MAP2K4: variants seen among roughly 807,000 people sequenced by gnomAD.
The protein encoded by MAP2K4 is dual specificity mitogen-activated protein kinase kinase 4.
MAP2K4 carries 4 observed loss-of-function variants against 48.5 expected under a neutral mutation model. The observed-to-expected ratio is 0.08, with a 90% CI of 0.04 to 0.19. The LOEUF is 0.19. MAP2K4 is among the 10% of genes least tolerant of loss of function. MAP2K4 has a pLI of 1.00. For synonymous variants in MAP2K4, 166 were observed against 173.1 expected (o/e 0.96, Z 0.32); for missense variants, 258 against 493.3 (o/e 0.52, Z 4.52).
intron 2 of MAP2K4, among the ~76,000 whole-genome samples, chr17:12,060,477 A>G (rs1369252403): frequency 6.6e-6 from 1 of 152,200 alleles, no homozygotes; most frequent in East Asian, 1.9e-4. Context: ...AGAGTTTTGT[A>G]GCGTTGTCTG....
At chr17:12,130,505 C>G (rs2151591606) in intron 9 of MAP2K4, among the ~76,000 whole-genome samples, 1 of 152,256 alleles carries the variant, frequency 6.6e-6, no homozygotes, top group South Asian at 2.1e-4. Flanking sequence ...CTAAAATGAT[C>G]ACCTGTGAAC....
intron 7 of MAP2K4, among the ~76,000 whole-genome samples, chr17:12,122,755 A>G (rs1338823214): frequency 6.6e-6 from 1 of 152,222 alleles, no homozygotes; most frequent in Non-Finnish European, 1.5e-5. Flanking sequence ...ACCAGTAAGT[A>G]TAATGTTAAC....
chr17:12,076,574 C>T (rs1971017247), intron 2 of MAP2K4, among the ~76,000 whole-genome samples: 1 of 152,128 alleles, frequency 6.6e-6, no homozygotes, highest in Non-Finnish European at 1.5e-5. Flanking sequence ...AATTTCTGTA[C>T]ATTGAGTTGT....
At chr17:12,047,403 TA>T (rs1970002177) in intron 1 of MAP2K4, among the ~76,000 whole-genome samples, 1 of 152,154 alleles carries the variant, frequency 6.6e-6, no homozygotes, top group African/African-American at 2.4e-5. Flanking sequence ...GGGAAGGTAA[TA>T]TTAATCCCAT....
intron 9 of MAP2K4, among the ~76,000 whole-genome samples, chr17:12,133,429 C>T (rs1365743535): frequency 6.6e-6 from 1 of 152,168 alleles, no homozygotes; most frequent in Non-Finnish European, 1.5e-5. Flanking sequence ...AATTTTGCTT[C>T]TAGATTGCCT....
At chr17:12,113,475 T>C in intron 7 of MAP2K4, 115 bp downstream of exon 7, 2 of 1,300,842 alleles carry the variant, frequency 1.5e-6, no homozygotes, top group South Asian at 1.6e-5. Flanking sequence ...AATATTTCCC[T>C]TACCCTAAGG....
At chr17:12,076,417 T>C (rs1310759864) in intron 2 of MAP2K4, among the ~76,000 whole-genome samples, 2 of 152,030 alleles carry the variant, frequency 1.3e-5, no homozygotes, top group African/African-American at 4.8e-5. Context: ...GTTAATTCAG[T>C]ATTAAATTTA....
chr17:12,130,709 G>T (rs1972993873), intron 9 of MAP2K4, among the ~76,000 whole-genome samples: 1 of 152,108 alleles, frequency 6.6e-6, no homozygotes, highest in Non-Finnish European at 1.5e-5. Context: ...GGTCTACATT[G>T]AAGTGTACTT....
At chr17:12,089,883 C>G (rs575617457) in intron 3 of MAP2K4, among the ~76,000 whole-genome samples, 1 of 152,272 alleles carries the variant, frequency 6.6e-6, no homozygotes, top group African/African-American at 2.4e-5. Flanking sequence ...AATTGATAGC[C>G]ATTTTGTAAG....
At chr17:12,066,121 A>G (rs2151535054) in intron 2 of MAP2K4, among the ~76,000 whole-genome samples, 1 of 148,988 alleles carries the variant, frequency 6.7e-6, no homozygotes, top group East Asian at 2.0e-4. Flanking sequence ...AACATTTACT[A>G]TTGTTTCTTT....
intron 7 of MAP2K4, among the ~76,000 whole-genome samples, chr17:12,116,935 G>A (rs1021102955): frequency 5.3e-5 from 8 of 152,204 alleles, no homozygotes; most frequent in Middle Eastern, 3.4e-3. Flanking sequence ...GCATCACCAC[G>A]AGCGCGAGTA....
intron 1 of MAP2K4, among the ~76,000 whole-genome samples, chr17:12,022,083 TAGTC>T (rs1332578739): frequency 1.1e-4 from 17 of 152,260 alleles, no homozygotes; most frequent in African/African-American, 4.1e-4. Context: ...GTACCCTTGG[TAGTC>T]AGTGTGACCA....
chr17:12,143,695 C>T lies in MAP2K4; in HGVS notation c.*2435C>T. The stretch of plus-strand genomic sequence containing the variant: ...TTTATGTAATAGTTCTATCCTTTTG[C>T]CTGCAGGTCAGTTGTAATAAATCTA... On this transcript the variant is annotated 3_prime_UTR_variant, in exon 11 of 11. Coordinates refer to ENST00000353533, the MANE Select transcript of MAP2K4 (RefSeq NM_003010.4). 1 of 230,336 alleles carries T rather than the reference C, an allele frequency of 4.3e-6. No individual in the cohort carries two copies. Among genetic ancestry groups the T allele is most frequent in the Non-Finnish European group, 8.6e-6 (1 of 116,318 alleles). The allele number at this position is 230,336 out of a possible 1,614,324, so 14.3% of individuals were successfully genotyped here. A position where few individuals can be genotyped will look rare whatever the true frequency, so the allele number is the denominator to read the frequency against.
At chr17:12,108,491 A>C (rs900142451) in intron 5 of MAP2K4, among the ~76,000 whole-genome samples, 2 of 152,054 alleles carry the variant, frequency 1.3e-5, no homozygotes, top group Non-Finnish European at 2.9e-5. Context: ...GAAAATAGCT[A>C]CTTTTTTACA....
At chr17:12,078,058 T>A (rs1190606990) in intron 2 of MAP2K4, among the ~76,000 whole-genome samples, 1 of 152,156 alleles carries the variant, frequency 6.6e-6, no homozygotes. Context: ...ACAGTCACAT[T>A]TGGGGTTAGG....
chr17:12,021,084 G>T (rs1009197272), intron 1 of MAP2K4, 83 bp downstream of exon 1: 35 of 839,454 alleles, frequency 4.2e-5, no homozygotes, highest in Non-Finnish European at 5.5e-5. Flanking sequence ...GGACGCCCCC[G>T]GACCCGGCTG....
chr17:12,142,055 C>T lies in MAP2K4; in HGVS notation c.*795C>T, dbSNP rs563793589. ...CTAAGAATTTTTCATTCTCAGAATT[C>T]GGTGTGCTGCCAACTTGATGTTCCA... On this transcript the variant is annotated 3_prime_UTR_variant, in exon 11 of 11. Coordinates refer to ENST00000353533, the MANE Select transcript of MAP2K4 (RefSeq NM_003010.4). The T allele has an allele frequency of 3.3e-4, 78 of 233,334 alleles. No homozygotes were observed. The highest frequency in any genetic ancestry group is 2.5e-3 in the Middle Eastern group (2 of 786). 14.5% of individuals were successfully genotyped at this position (233,334 alleles called of 1,614,324 possible).
intron 1 of MAP2K4, among the ~76,000 whole-genome samples, chr17:12,049,279 A>G (rs1970060410): frequency 6.6e-6 from 1 of 152,220 alleles, no homozygotes; most frequent in Non-Finnish European, 1.5e-5. Context: ...TAAGTCAAAT[A>G]CCAATATTCT....
intron 2 of MAP2K4, among the ~76,000 whole-genome samples, chr17:12,061,945 G>A (rs1970461630): frequency 6.6e-6 from 1 of 150,950 alleles, no homozygotes; most frequent in Admixed American, 6.6e-5. Flanking sequence ...TTATATTATT[G>A]TTCTTGAGCA....
Sources: gnomAD v4.1 joint callset for allele counts (sites outside exome capture counted in the v4.1 genomes callset) on GRCh38, gnomAD v4.1.1 for gene constraint, MANE v1.5 for transcripts, NCBI Gene and HGNC (gene_info 2026-07-23, HGNC 2026-07-21) for gene names.